ABR: variants seen among roughly 807,000 people sequenced by gnomAD.
ABR encodes the protein active breakpoint cluster region-related protein.
A neutral mutation model predicts 107.2 loss-of-function variants in ABR; 35 were observed. That is an observed-to-expected ratio of 0.33 (90% CI 0.25 to 0.43). The LOEUF is 0.43. Ranked by LOEUF, ABR falls within the 20% of genes least tolerant of loss-of-function variation. ABR has a pLI of 1.00. For synonymous variants in ABR, 498 were observed against 462.0 expected, an observed-to-expected ratio of 1.08 and a Z score of -1.00; for missense variants, 815 against 1,115.2, an observed-to-expected ratio of 0.73 and a Z score of 3.83.
chr17:1,150,230 C>T lies in ABR; in HGVS notation c.62-24863G>A, dbSNP rs560321530. 1.3e-5 allele frequency among the ~76,000 whole-genome samples: 2 copies of T among 152,154 alleles called. No homozygotes were observed. The highest frequency in any genetic ancestry group is 2.9e-5 in the Non-Finnish European group (2 of 68,044). ...AGAATTTTTTTTGTTACCCACCTGA[C>T]AAAGCTCTTCATCTTGCTAAAGATA... On this transcript the variant is annotated intron_variant, in intron 1 of 22. Coordinates refer to ENST00000302538, the MANE Select transcript of ABR (RefSeq NM_021962.5). The surrounding 1 kb of genome is among the most constrained non-coding windows in gnomAD (Gnocchi z 4.8).
rs919522678 is a variant in ABR at position 1,066,969 on chromosome 17, C to T, written c.1182+108G>A. 8.1e-5 allele frequency: 97 copies of T among 1,191,626 alleles called. No individual in the cohort carries two copies. In the African/African-American group the frequency reaches 1.3e-3, roughly 16 times the overall value. 73.8% of individuals were successfully genotyped at this position (1,191,626 alleles called of 1,614,324 possible). On this transcript the variant is annotated intron_variant, in intron 10 of 22. Coordinates refer to ENST00000302538, the MANE Select transcript of ABR (RefSeq NM_021962.5). Reference sequence around the variant, plus strand: ...CGGGGTCTTTCCCTTAGTAACTACACACTCAAGGCTCCCTCTCAAAGTCTC... The same window carrying T: ...CGGGGTCTTTCCCTTAGTAACTACATACTCAAGGCTCCCTCTCAAAGTCTC...
intron 21 of ABR, among the ~76,000 whole-genome samples, chr17:1,007,678 T>G (rs1027677069): frequency 6.6e-6 from 1 of 152,196 alleles, no homozygotes; most frequent in Non-Finnish European, 1.5e-5. Context: ...GTAAATATGA[T>G]TATCGTCACC....
intron 2 of ABR, among the ~76,000 whole-genome samples, chr17:1,102,029 T>A (rs528770445): frequency 1.3e-5 from 2 of 152,010 alleles, no homozygotes; most frequent in Non-Finnish European, 2.9e-5. Flanking sequence ...CACCGCACCC[T>A]GCCGGAAAGA....
intron 1 of ABR, among the ~76,000 whole-genome samples, chr17:1,169,657 C>T (rs2041635727): frequency 6.6e-6 from 1 of 152,158 alleles, no homozygotes; most frequent in Non-Finnish European, 1.5e-5. Context: ...GGGTCTGCCC[C>T]GTCATTAACA....
chr17:1,103,544 G>A (rs1341963592), intron 2 of ABR, among the ~76,000 whole-genome samples: 1 of 152,158 alleles, frequency 6.6e-6, no homozygotes, highest in African/African-American at 2.4e-5. Context: ...TGCAGCCCCA[G>A]CCACAAACAA....
intron 1 of ABR, among the ~76,000 whole-genome samples, chr17:1,224,201 G>A (rs1232380782): frequency 4.6e-5 from 7 of 151,984 alleles, no homozygotes; most frequent in African/African-American, 7.3e-5. Flanking sequence ...GGCTCTGCCC[G>A]TCCCCTCACT....
chr17:1,030,083 C>A (rs1394811155), intron 16 of ABR, among the ~76,000 whole-genome samples: 1 of 152,234 alleles, frequency 6.6e-6, no homozygotes, highest in Non-Finnish European at 1.5e-5. Flanking sequence ...GTCTGCCTGG[C>A]CACCACCCCT....
chr17:1,062,809 G>A (rs1273512260), intron 10 of ABR, among the ~76,000 whole-genome samples: 1 of 145,970 alleles, frequency 6.9e-6, no homozygotes, highest in Non-Finnish European at 1.5e-5. Flanking sequence ...TGAACTGAGG[G>A]CTATGCATGT....
chr17:1,185,373 A>G (rs1005996366), intron 1 of ABR, among the ~76,000 whole-genome samples: 4 of 152,144 alleles, frequency 2.6e-5, no homozygotes, highest in African/African-American at 9.6e-5. Context: ...GGCCAGGCAC[A>G]GTGGCTCACG....
Position 1,067,152 on chromosome 17 carries a change from C to T in ABR, c.1107G>A (p.Val369=), listed in dbSNP as rs1401349730. The T allele has an allele frequency of 6.2e-7, 1 of 1,613,802 alleles. No homozygotes were observed. Among genetic ancestry groups the T allele is most frequent in the Admixed American group, 1.7e-5 (1 of 59,978 alleles). The change falls in exon 10 of 23, where the codon GTG becomes GTA. Residue 369 remains valine (V), a synonymous_variant. Transcript: ENST00000302538. ...CCAGCTCATGGTCTGGGAAGGGGTG[C>T]ACCTGGGGGCTGGCCTCAGACTCCT... is the stretch of plus-strand genomic sequence containing the variant. The part of the protein sequence containing the change: ...SPEESEASPQ[V]HPFPDHELED...
intron 1 of ABR, among the ~76,000 whole-genome samples, chr17:1,132,970 C>T (rs1223593040): frequency 6.6e-6 from 1 of 152,120 alleles, no homozygotes; most frequent in African/African-American, 2.4e-5. Context: ...TGGCTGGGCA[C>T]AGTGGCTCAC....
chr17:1,157,603 C>G lies in ABR; in HGVS notation c.61+22064G>C, dbSNP rs1171528949. ...GGGGGCTGGTCCCTCAGGCCACAGGCCATGAGAAGCAGCAACTACAAGGGA... is the reference window on the plus strand; with the variant it reads ...GGGGGCTGGTCCCTCAGGCCACAGGGCATGAGAAGCAGCAACTACAAGGGA... On this transcript the variant is annotated intron_variant, in intron 1 of 22. Transcript: ENST00000302538. The surrounding 1 kb of genome is among the most constrained non-coding windows in gnomAD (Gnocchi z 4.7). Among the ~76,000 whole-genome samples the G allele has an allele frequency of 6.6e-6, 1 of 152,222 alleles. No individual in the cohort carries two copies. The highest frequency in any genetic ancestry group is 1.5e-5 in the Non-Finnish European group (1 of 68,034).
chr17:1,108,888 C>A lies in ABR; in HGVS notation c.247-8153G>T, dbSNP rs549697894. 9.8e-6 allele frequency: 15 copies of A among 1,536,862 alleles called. No individual in the cohort carries two copies. In the African/African-American group the frequency reaches 1.4e-4, roughly 15 times the overall value. ...CATTTCTCCCGCGCACCTTCGGCAG[C>A]GCCGGCCCGGCCCCCCCCAGCGCCC... On this transcript the variant is annotated intron_variant, in intron 2 of 22. Coordinates refer to ENST00000302538, the MANE Select transcript of ABR (RefSeq NM_021962.5).
At chr17:1,161,743 CA>C (rs1190685921) in intron 1 of ABR, among the ~76,000 whole-genome samples, 23 of 152,150 alleles carry the variant, frequency 1.5e-4, no homozygotes, top group Admixed American at 1.5e-3. Context: ...TTAGTAGAGA[CA>C]GGGTTTCACC....
At chr17:1,171,646 G>C (rs1417311635) in intron 1 of ABR, among the ~76,000 whole-genome samples, 1 of 152,292 alleles carries the variant, frequency 6.6e-6, no homozygotes, top group East Asian at 1.9e-4. Flanking sequence ...AAGGAGGTGA[G>C]TGAGGCCAGG....
chr17:1,160,848 C>T (rs369789610), intron 1 of ABR, among the ~76,000 whole-genome samples: 12 of 152,340 alleles, frequency 7.9e-5, no homozygotes, highest in African/African-American at 2.4e-4. Context: ...ACAGAGGCCA[C>T]GCTCCACAAA....
intron 1 of ABR, among the ~76,000 whole-genome samples, chr17:1,137,900 T>A (rs1407521681): frequency 1.3e-5 from 2 of 150,816 alleles, no homozygotes; most frequent in Non-Finnish European, 3.0e-5. Context: ...AAAACCACAA[T>A]TACTTTTTTT....
At chr17:1,177,401 G>A (rs529774586) in intron 1 of ABR, among the ~76,000 whole-genome samples, 41 of 152,156 alleles carry the variant, frequency 2.7e-4, no homozygotes, top group Admixed American at 8.5e-4. Context: ...CCCAGGAGCC[G>A]CCCAGAGGCC....
At chr17:1,065,673 A>G (rs2034642288) in intron 10 of ABR, among the ~76,000 whole-genome samples, 1 of 151,670 alleles carries the variant, frequency 6.6e-6, no homozygotes, top group Admixed American at 6.6e-5. Context: ...AGCACTAAAC[A>G]GTTTGCAGTT....
Sources: gnomAD v4.1 joint callset for allele counts (sites outside exome capture counted in the v4.1 genomes callset) on GRCh38, gnomAD v4.1.1 for gene constraint, Gnocchi (gnomAD v3.1) non-coding constraint, MANE v1.5 for transcripts, NCBI Gene and HGNC (gene_info 2026-07-23, HGNC 2026-07-21) for gene names.